Variants in APLP2 observed in about 807,000 individuals in gnomAD.
The protein encoded by APLP2 is amyloid beta precursor like protein 2, also known as CDEI box-binding protein.
Under a neutral mutation model 89.9 loss-of-function variants are expected in APLP2, and 53 were observed. The observed-to-expected ratio is 0.59, with a 90% CI of 0.47 to 0.74. The LOEUF (loss-of-function observed/expected upper bound fraction) is 0.74. Among genes scored for constraint, APLP2 ranks in the 30% least tolerant of loss-of-function variants. The pLI is 0.00. For missense variants in APLP2, 973 were observed against 975.9 expected (o/e 1.00, Z 0.04); for synonymous variants, 372 against 348.6 (o/e 1.07, Z -0.75).
intron 12 of APLP2, among the ~76,000 whole-genome samples, chr11:130,134,063 T>A (rs1951247573): frequency 1.3e-5 from 2 of 152,354 alleles, no homozygotes; most frequent in Middle Eastern, 3.4e-3. Context: ...AGCACCTGAT[T>A]TTATATAAAT....
At chr11:130,105,701 C>CTTTTTTTTTTTTTTTTTTTTT (rs765278847) in intron 1 of APLP2, among the ~76,000 whole-genome samples, 1 of 118,208 alleles carries the variant, frequency 8.5e-6, no homozygotes, top group Non-Finnish European at 1.7e-5. Context: ...TTTCTGTCTG[C>CTTTTTTTTTTTTTTTTTTTTT]TTTTTTTTTT....
intron 1 of APLP2, among the ~76,000 whole-genome samples, chr11:130,091,319 T>C (rs1322445236): frequency 0.012 from 1,285 of 104,580 alleles, 1 homozygote; most frequent in East Asian, 0.037. Context: ...GGCGGGGGGC[T>C]GACACCCCCA....
intron 1 of APLP2, among the ~76,000 whole-genome samples, chr11:130,075,483 T>C (rs1941964563): frequency 1.3e-5 from 2 of 152,230 alleles, no homozygotes; most frequent in African/African-American, 4.8e-5. Flanking sequence ...TAAAACCAAA[T>C]GTGGATAGTG....
intron 13 of APLP2, chr11:130,139,052 A>G (rs1362492838): frequency 2.0e-5 from 3 of 152,206 alleles, no homozygotes; most frequent in African/African-American, 7.2e-5. Flanking sequence ...TGCTGAGGCA[A>G]TACCCTTCCA....
At chr11:130,107,377 A>T (rs1281139535) in intron 1 of APLP2, among the ~76,000 whole-genome samples, 1 of 152,292 alleles carries the variant, frequency 6.6e-6, no homozygotes, top group South Asian at 2.1e-4. Flanking sequence ...AAGTCTCAGG[A>T]TACAAAATCA....
intron 16 of APLP2, 134 bp from the exon 17 acceptor site, chr11:130,143,213 C>T: frequency 1.3e-6 from 1 of 746,344 alleles, no homozygotes; most frequent in East Asian, 2.5e-5. Flanking sequence ...TCTCATTTGG[C>T]CTGTCCGGTG....
intron 3 of APLP2, among the ~76,000 whole-genome samples, chr11:130,115,426 C>T (rs1208569766): frequency 6.6e-6 from 1 of 152,112 alleles, no homozygotes; most frequent in African/African-American, 2.4e-5. Flanking sequence ...TGAAAAAGCT[C>T]TAAAACCTGG....
At chr11:130,138,954 G>A (rs1209651700) in intron 13 of APLP2, 3 of 152,022 alleles carry the variant, frequency 2.0e-5, no homozygotes, top group African/African-American at 7.3e-5. Flanking sequence ...ATTCCTGCCT[G>A]TGTGACCTTT....
intron 3 of APLP2, among the ~76,000 whole-genome samples, chr11:130,113,794 T>G (rs967645741): frequency 1.3e-5 from 2 of 152,160 alleles, no homozygotes; most frequent in Non-Finnish European, 2.9e-5. Context: ...AATTAAAAAA[T>G]AATAGTTTAA....
At chr11:130,079,048 C>A (rs192414821) in intron 1 of APLP2, among the ~76,000 whole-genome samples, 278 of 151,982 alleles carry the variant, frequency 1.8e-3, no homozygotes, top group African/African-American at 6.3e-3. Flanking sequence ...TTTCAAATAC[C>A]TAGTTTTCCA....
At chr11:130,116,364 A>G (rs1422856059) in intron 3 of APLP2, among the ~76,000 whole-genome samples, 2 of 152,128 alleles carry the variant, frequency 1.3e-5, no homozygotes, top group Non-Finnish European at 2.9e-5. Context: ...GTATATATGT[A>G]TCATCATTTA....
chr11:130,078,167 T>A (rs1046863903), intron 1 of APLP2, among the ~76,000 whole-genome samples: 1 of 125,846 alleles, frequency 7.9e-6, no homozygotes, highest in African/African-American at 2.9e-5. Context: ...TTTTCTTTCT[T>A]TTTTTTTTTT....
chr11:130,109,769 C>G, intron 2 of APLP2, 167 bp downstream of exon 2: 2 of 666,314 alleles, frequency 3.0e-6, no homozygotes, highest in Non-Finnish European at 4.6e-6. Context: ...ACTGAGACCT[C>G]TCAAAGGCTT....
chr11:130,103,005 A>C (rs954260192), intron 1 of APLP2, among the ~76,000 whole-genome samples: 1 of 152,170 alleles, frequency 6.6e-6, no homozygotes, highest in African/African-American at 2.4e-5. Flanking sequence ...TGGGGCATTA[A>C]TTTTTTTGGT....
rs748067160 is a variant in APLP2, at chr11:130,127,866, G to T, written c.1296+26G>T. On this transcript the variant is annotated intron_variant, in intron 9 of 16. Transcript: ENST00000338167. ...GTAAGATGCCTTCTCTGGGGACATA[G>T]CTTTCAGCCTGACCATTGGAAAATA... 13 of 1,601,168 alleles carry T rather than the reference G, an allele frequency of 8.1e-6. No individual in the cohort carries two copies. The Admixed American group carries it at 2.0e-4, about 25-fold the overall frequency.
intron 3 of APLP2, among the ~76,000 whole-genome samples, chr11:130,120,222 C>T (rs934130461): frequency 6.6e-6 from 1 of 152,114 alleles, no homozygotes; most frequent in African/African-American, 2.4e-5. Context: ...ACCTTTGCCC[C>T]TTTGTAATTA....
intron 6 of APLP2, among the ~76,000 whole-genome samples, chr11:130,122,991 A>G (rs188974599): frequency 2.0e-4 from 29 of 148,348 alleles, no homozygotes; most frequent in Admixed American, 1.7e-3. Context: ...TGGGGCCTGC[A>G]GTTTTTTTTT....
chr11:130,102,274 A>T (rs1947039784), intron 1 of APLP2, among the ~76,000 whole-genome samples: 1 of 152,194 alleles, frequency 6.6e-6, no homozygotes, highest in Admixed American at 6.5e-5. Context: ...ACTTTTCCTT[A>T]AAAAAGGTTT....
rs761350872 is a variant in APLP2, at chr11:130,123,974, G to A, written c.1090+195G>A. 4.6e-5 allele frequency among the ~76,000 whole-genome samples: 7 copies of A among 152,110 alleles called. No individual in the cohort carries two copies. The highest frequency in any genetic ancestry group is 1.3e-4 in the Admixed American group (2 of 15,276). The stretch of plus-strand genomic sequence containing the variant: ...GCCGGCAGTGGTAAGCTCAGTTCTC[G>A]TGTCCTGTGCTCACCGTGTGTCTGG... On this transcript the variant is annotated intron_variant, in intron 7 of 16. Coordinates refer to ENST00000338167, the MANE Select transcript of APLP2 (RefSeq NM_001142276.2). This position sits in a 1 kb window ranked among gnomAD's most constrained non-coding sequence, Gnocchi z 4.0.
Sources: allele counts gnomAD v4.1 joint callset (sites outside exome capture counted in the v4.1 genomes callset), GRCh38; gene constraint gnomAD v4.1.1; non-coding constraint Gnocchi (gnomAD v3.1); transcripts MANE v1.5; gene names NCBI Gene and HGNC (gene_info 2026-07-23, HGNC 2026-07-21).